TPD52: variants seen among roughly 807,000 people sequenced by gnomAD.
The protein encoded by TPD52 is prostate and colon associated protein.
A neutral mutation model predicts 31.3 loss-of-function variants in TPD52; 17 were observed. The ratio of observed to expected loss-of-function variants is 0.54; its 90% CI spans 0.37 to 0.82. The LOEUF is 0.82. Ranked by LOEUF, TPD52 falls within the 40% of genes least tolerant of loss-of-function variation. The pLI is 0.00. For synonymous variants in TPD52, 83 were observed against 89.6 expected (o/e 0.93, Z 0.42); for missense variants, 212 against 240.1 (o/e 0.88, Z 0.77).
Position 80,164,898 on chromosome 8 carries a change from C to CAAAAAAAAAAAA in TPD52, c.19+6515_19+6526dup, listed in dbSNP as rs34027501. ...TGGGTGGCAGAGGGAGACAATGTCT[C>CAAAAAAAAAAAA]AAAAAAAAAAAAAAAAAAAAAAAAA... is the stretch of plus-strand genomic sequence containing the variant. On this transcript the variant is annotated intron_variant, in intron 1 of 7. Transcript: ENST00000518937. Among the ~76,000 whole-genome samples the CAAAAAAAAAAAA allele has an allele frequency of 3.4e-4, 11 of 31,904 alleles. 1 individual carries two copies. The highest frequency in any genetic ancestry group is 2.9e-3 in the South Asian group (1 of 350). The allele number at this position is 31,904 out of a possible 152,430, so 20.9% of individuals were successfully genotyped here. A position where few individuals can be genotyped will look rare whatever the true frequency, so the allele number is the denominator to read the frequency against.
intron 1 of TPD52, among the ~76,000 whole-genome samples, chr8:80,143,670 C>T (rs1309275143): frequency 2.0e-5 from 3 of 152,136 alleles, no homozygotes; most frequent in South Asian, 4.1e-4. Context: ...ATTTTAAAAG[C>T]GACCAACTGA....
At chr8:80,069,821 C>T (rs1368564879) in intron 1 of TPD52, among the ~76,000 whole-genome samples, 1 of 151,940 alleles carries the variant, frequency 6.6e-6, no homozygotes, top group Admixed American at 6.6e-5. Context: ...GTGCGGAAGA[C>T]AAAGTGGAAA....
At chr8:80,091,618 A>C (rs1816282335) in intron 1 of TPD52, among the ~76,000 whole-genome samples, 1 of 152,232 alleles carries the variant, frequency 6.6e-6, no homozygotes, top group South Asian at 2.1e-4. Flanking sequence ...ATTAGATACA[A>C]TAGACAGATT....
intron 1 of TPD52, among the ~76,000 whole-genome samples, chr8:80,065,576 G>A (rs1487742369): frequency 6.6e-6 from 1 of 151,948 alleles, no homozygotes; most frequent in Non-Finnish European, 1.5e-5. Context: ...CAAAATTGAA[G>A]AGGCCACTAA....
At chr8:80,078,169 G>A (rs367876484) in intron 1 of TPD52, among the ~76,000 whole-genome samples, 2 of 152,090 alleles carry the variant, frequency 1.3e-5, no homozygotes. Flanking sequence ...CCTAACCTTC[G>A]CTTTAATTAC....
At chr8:80,078,584 T>A (rs1167966136) in intron 1 of TPD52, among the ~76,000 whole-genome samples, 1 of 152,156 alleles carries the variant, frequency 6.6e-6, no homozygotes, top group Non-Finnish European at 1.5e-5. Context: ...GCCCCCACTT[T>A]TATTTGGCCA....
chr8:80,157,389 C>A (rs1811046374), intron 1 of TPD52, among the ~76,000 whole-genome samples: 1 of 152,154 alleles, frequency 6.6e-6, no homozygotes, highest in Admixed American at 6.6e-5. Context: ...TTCATTGAAT[C>A]CCTGACACAA....
At chr8:80,156,528 G>T (rs1384179247) in intron 1 of TPD52, among the ~76,000 whole-genome samples, 1 of 152,190 alleles carries the variant, frequency 6.6e-6, no homozygotes, top group East Asian at 1.9e-4. Context: ...GTGGGATGTT[G>T]ATGTGGGTAG....
intron 1 of TPD52, among the ~76,000 whole-genome samples, chr8:80,110,517 T>C (rs1807427717): frequency 6.6e-6 from 1 of 151,404 alleles, no homozygotes; most frequent in African/African-American, 2.4e-5. Context: ...AGGAAACTTA[T>C]ATGTAACTAA....
In TPD52 at chr8:80,051,634, T is replaced by C. The variant is rs1294168863; in HGVS notation, c.285-6A>G. ...TTTCAGATGTCTTCTTGTAACTATA[T>C]TAAATTATAAACACACAGAGCAAAA... On this transcript the variant is annotated splice_polypyrimidine_tract_variant and splice_region_variant and intron_variant, in intron 3 of 7. Coordinates refer to ENST00000518937, the MANE Select transcript of TPD52 (RefSeq NM_001025253.3). 3.1e-6 allele frequency: 5 copies of C among 1,587,782 alleles called. No homozygotes were observed. The highest frequency in any genetic ancestry group is 3.4e-6 in the Non-Finnish European group (4 of 1,170,270).
intron 1 of TPD52, among the ~76,000 whole-genome samples, chr8:80,097,325 T>C (rs1306432799): frequency 6.6e-6 from 1 of 152,238 alleles, no homozygotes; most frequent in African/African-American, 2.4e-5. Context: ...CAAGTGCTGA[T>C]AGGGAAGCTG....
At chr8:80,091,740 A>G (rs1816292107) in intron 1 of TPD52, among the ~76,000 whole-genome samples, 1 of 152,202 alleles carries the variant, frequency 6.6e-6, no homozygotes, top group South Asian at 2.1e-4. Flanking sequence ...GTGCTTCTCA[A>G]ATAACTTTAT....
chr8:80,163,074 G>A (rs769318626), intron 1 of TPD52, among the ~76,000 whole-genome samples: 5 of 152,054 alleles, frequency 3.3e-5, no homozygotes, highest in Non-Finnish European at 7.4e-5. Context: ...TGAAGGTTCT[G>A]AAAAAATTAA....
intron 5 of TPD52, among the ~76,000 whole-genome samples, chr8:80,046,336 T>A (rs1050844572): frequency 6.6e-6 from 1 of 152,222 alleles, no homozygotes; most frequent in Non-Finnish European, 1.5e-5. Context: ...GTAGCTATTT[T>A]ATAGTAGGAA....
At chr8:80,143,425 TA>T (rs944494979) in intron 1 of TPD52, among the ~76,000 whole-genome samples, 3 of 152,180 alleles carry the variant, frequency 2.0e-5, no homozygotes, top group Non-Finnish European at 4.4e-5. Flanking sequence ...TAACCCCAAT[TA>T]AAAGTTTGGC....
intron 1 of TPD52, among the ~76,000 whole-genome samples, chr8:80,097,280 C>A (rs2130913003): frequency 6.6e-6 from 1 of 152,272 alleles, no homozygotes; most frequent in South Asian, 2.1e-4. Context: ...AGGAAAGAAG[C>A]CATCTCCATA....
Position 80,035,801 on chromosome 8 carries a change from A to G in TPD52, c.*2315T>C, listed in dbSNP as rs1207584355. ...CTTACATCTGTGAGATTTCATAAGT[A>G]TCTGAGATTTCACACTCTTGCTATT... On this transcript the variant is annotated 3_prime_UTR_variant, in exon 8 of 8. Transcript: ENST00000518937. 2.6e-5 allele frequency: 4 copies of G among 152,226 alleles called. No homozygotes were observed. Among genetic ancestry groups the G allele is most frequent in the Admixed American group, 6.5e-5 (1 of 15,284 alleles). The allele number at this position is 152,226 out of a possible 1,614,324, so 9.4% of individuals were successfully genotyped here. A position where few individuals can be genotyped will look rare whatever the true frequency, so the allele number is the denominator to read the frequency against.
chr8:80,052,960 C>CA (rs1396609064), intron 3 of TPD52: 1 of 240,458 alleles, frequency 4.2e-6, no homozygotes, highest in Non-Finnish European at 8.1e-6. Context: ...GTTATCTTGC[C>CA]ACCCATTCTT....
intron 1 of TPD52, among the ~76,000 whole-genome samples, chr8:80,094,927 T>C (rs1367475354): frequency 2.6e-5 from 4 of 152,102 alleles, no homozygotes; most frequent in African/African-American, 9.7e-5. Flanking sequence ...GAGGCAGGCC[T>C]GGTTAGGTTG....
Sources: gnomAD v4.1 joint callset for allele counts (sites outside exome capture counted in the v4.1 genomes callset) on GRCh38, gnomAD v4.1.1 for gene constraint, MANE v1.5 for transcripts, NCBI Gene and HGNC (gene_info 2026-07-23, HGNC 2026-07-21) for gene names.